The following CSTF3 variants were observed in gnomAD, a reference collection of about 807,000 sequenced individuals.
CSTF3 encodes cleavage stimulation factor subunit 3.
In CSTF3, 29 loss-of-function variants were observed where a neutral mutation model predicts 105.8. That is an observed-to-expected ratio of 0.27 (90% CI 0.20 to 0.37). The LOEUF (loss-of-function observed/expected upper bound fraction) is 0.37. Ranked by LOEUF, CSTF3 falls within the 10% of genes least tolerant of loss-of-function variation. The pLI is 1.00. For missense variants in CSTF3, 357 were observed against 879.3 expected (o/e 0.41, Z 7.51); for synonymous variants, 252 against 281.9 (o/e 0.89, Z 1.06).
intron 3 of CSTF3, among the ~76,000 whole-genome samples, chr11:33,133,766 C>T (rs1247359913): frequency 1.3e-5 from 2 of 152,098 alleles, no homozygotes; most frequent in Non-Finnish European, 2.9e-5. Flanking sequence ...GCCGAGATCA[C>T]GCCACTGCAC....
Position 33,090,874 on chromosome 11 carries a change from A to G in CSTF3, c.1446-147T>C, listed in dbSNP as rs1590261604. 34 of 503,278 alleles carry G rather than the reference A, an allele frequency of 6.8e-5. No homozygotes were observed. The East Asian group carries it at 1.0e-3, about 15-fold the overall frequency. The allele number at this position is 503,278 out of a possible 1,614,324, so 31.2% of individuals were successfully genotyped here. A position where few individuals can be genotyped will look rare whatever the true frequency, so the allele number is the denominator to read the frequency against. On this transcript the variant is annotated intron_variant, in intron 16 of 20. Coordinates refer to ENST00000323959, the MANE Select transcript of CSTF3 (RefSeq NM_001326.3). ...ATAAAGATTTTTAGACTATAGAAAA[A>G]TAGAATAGTATAATGAATACCTATA...
chr11:33,111,780 A>G (rs1663719651), intron 3 of CSTF3, among the ~76,000 whole-genome samples: 2 of 152,230 alleles, frequency 1.3e-5, no homozygotes, highest in Non-Finnish European at 2.9e-5. Flanking sequence ...ATGTAGAAAG[A>G]CACTTTTGAC....
At chr11:33,096,689 C>G in intron 14 of CSTF3, 146 bp downstream of exon 14, 1 of 718,662 alleles carries the variant, frequency 1.4e-6, no homozygotes, top group East Asian at 2.8e-5. Context: ...GGATGATGCT[C>G]CATAAAATTT....
intron 3 of CSTF3, among the ~76,000 whole-genome samples, chr11:33,123,594 G>A (rs1855514262): frequency 6.6e-6 from 1 of 152,048 alleles, no homozygotes; most frequent in East Asian, 1.9e-4. Context: ...ATATAAGACA[G>A]GGAAAAAACT....
At chr11:33,137,444 T>C in intron 3 of CSTF3, among the ~76,000 whole-genome samples, 1 of 151,802 alleles carries the variant, frequency 6.6e-6, no homozygotes, top group East Asian at 1.9e-4. Flanking sequence ...AACATCTCTG[T>C]TATAGAATGG....
chr11:33,101,315 C>T (rs560149602), intron 10 of CSTF3, among the ~76,000 whole-genome samples: 2 of 152,246 alleles, frequency 1.3e-5, no homozygotes, highest in East Asian at 3.9e-4. Context: ...AATGTACATA[C>T]ACAGGGAAGA....
intron 1 of CSTF3, among the ~76,000 whole-genome samples, chr11:33,154,797 C>A (rs1849838985): frequency 6.6e-6 from 1 of 152,082 alleles, no homozygotes; most frequent in South Asian, 2.1e-4. Context: ...CGGTGCCGTG[C>A]TGAGACTTTC....
chr11:33,161,195 T>G (rs1849937400), intron 1 of CSTF3, 104 bp downstream of exon 1: 3 of 1,264,680 alleles, frequency 2.4e-6, no homozygotes, highest in Non-Finnish European at 3.4e-6. Context: ...GTCCCCCGGG[T>G]TCACTAGACC....
At chr11:33,092,818 C>G (rs1282964007) in intron 15 of CSTF3, among the ~76,000 whole-genome samples, 1 of 152,154 alleles carries the variant, frequency 6.6e-6, no homozygotes, top group Non-Finnish European at 1.5e-5. Context: ...GCTACTTTAA[C>G]TCTTGCAGAG....
At chr11:33,152,910 A>G (rs796122849) in intron 1 of CSTF3, among the ~76,000 whole-genome samples, 20 of 152,154 alleles carry the variant, frequency 1.3e-4, no homozygotes, top group African/African-American at 4.8e-4. Context: ...GTGAGCTGGG[A>G]TCGCACCACT....
At chr11:33,159,948 T>TG (rs1849918351) in intron 1 of CSTF3, among the ~76,000 whole-genome samples, 1 of 152,132 alleles carries the variant, frequency 6.6e-6, no homozygotes. Context: ...CACCACCATC[T>TG]GTCCCACTGA....
At chr11:33,130,244 G>A (rs1428169811) in intron 3 of CSTF3, among the ~76,000 whole-genome samples, 4 of 152,074 alleles carry the variant, frequency 2.6e-5, no homozygotes, top group East Asian at 1.9e-4. Flanking sequence ...AGGCCTAGGC[G>A]GGTGGATCAC....
intron 1 of CSTF3, among the ~76,000 whole-genome samples, chr11:33,160,254 C>A (rs1334646337): frequency 6.6e-6 from 1 of 152,170 alleles, no homozygotes; most frequent in African/African-American, 2.4e-5. Context: ...TTTAATCAAA[C>A]TGCCGACATA....
intron 15 of CSTF3, among the ~76,000 whole-genome samples, chr11:33,095,603 C>G (rs1161598023): frequency 6.6e-6 from 1 of 151,682 alleles, no homozygotes; most frequent in African/African-American, 2.4e-5. Flanking sequence ...GGGCGGATCA[C>G]GAGGTCAGGA....
chr11:33,157,115 G>T (rs1054431951), intron 1 of CSTF3, among the ~76,000 whole-genome samples: 4 of 152,094 alleles, frequency 2.6e-5, no homozygotes, highest in Non-Finnish European at 2.9e-5. Flanking sequence ...CACTTTGGGA[G>T]GCTGAGGCAG....
chr11:33,155,131 C>A (rs1006532354), intron 1 of CSTF3, among the ~76,000 whole-genome samples: 24 of 151,672 alleles, frequency 1.6e-4, no homozygotes, highest in African/African-American at 5.8e-4. Context: ...CCAAGGCGGG[C>A]GGATCATGAG....
intron 15 of CSTF3, among the ~76,000 whole-genome samples, chr11:33,093,230 G>A (rs1855186666): frequency 6.6e-6 from 1 of 151,794 alleles, no homozygotes; most frequent in African/African-American, 2.4e-5. Flanking sequence ...CTATTTTTTT[G>A]GCTTCTCTCT....
At chr11:33,106,807 T>G (rs1174545143) in intron 5 of CSTF3, among the ~76,000 whole-genome samples, 1 of 152,202 alleles carries the variant, frequency 6.6e-6, no homozygotes, top group Non-Finnish European at 1.5e-5. Context: ...CATAATTCTA[T>G]ACATAGCAGA....
chr11:33,086,112 C>T, intron 18 of CSTF3, 123 bp from the exon 19 acceptor site: 1 of 605,476 alleles, frequency 1.7e-6, no homozygotes, highest in South Asian at 5.5e-5. Context: ...ACTGAAAATA[C>T]TTCTAGGGCT....
Sources: allele counts gnomAD v4.1 joint callset (sites outside exome capture counted in the v4.1 genomes callset), GRCh38; gene constraint gnomAD v4.1.1; transcripts MANE v1.5; gene names NCBI Gene and HGNC (gene_info 2026-07-23, HGNC 2026-07-21).